ANKS3: variants seen among roughly 807,000 people sequenced by gnomAD.
The protein encoded by ANKS3 is ankyrin repeat and sterile alpha motif domain containing 3.
Under a neutral mutation model 80.7 loss-of-function variants are expected in ANKS3, and 62 were observed. That is an observed-to-expected ratio of 0.77 (90% CI 0.63 to 0.95). The LOEUF is 0.95. Ranked by LOEUF, ANKS3 falls within the 40% of genes least tolerant of loss-of-function variation. The pLI, the probability that ANKS3 is intolerant of heterozygous loss-of-function variation, is 0.00. For missense variants in ANKS3, 1,150 were observed against 883.6 expected (o/e 1.30, Z -3.82); for synonymous variants, 489 against 355.3 (o/e 1.38, Z -4.23).
intron 5 of ANKS3, chr16:4,725,176 C>A: frequency 5.3e-6 from 1 of 188,442 alleles, no homozygotes; most frequent in Non-Finnish European, 1.1e-5. Context: ...ATCTCCCATC[C>A]ATTCATCCAA....
intron 17 of ANKS3, 31 bp downstream of exon 17, chr16:4,696,986 C>T (rs2079587604): frequency 6.2e-7 from 1 of 1,606,690 alleles, no homozygotes; most frequent in African/African-American, 1.3e-5. Context: ...GCTGCTCCCA[C>T]CACGCGGGAT....
chr16:4,700,588 AGGATGGT>A (rs1018993502), intron 11 of ANKS3: 8 of 365,772 alleles, frequency 2.2e-5, no homozygotes, highest in Non-Finnish European at 4.3e-5. Context: ...AGAAAGGAGG[AGGATGGT>A]GGCAGCTGTA....
chr16:4,709,066 G>A (rs2080350582), intron 7 of ANKS3, among the ~76,000 whole-genome samples: 1 of 151,972 alleles, frequency 6.6e-6, no homozygotes, highest in African/African-American at 2.4e-5. Flanking sequence ...AGGAGTTTGA[G>A]ACCAGCCTGG....
intron 6 of ANKS3, among the ~76,000 whole-genome samples, chr16:4,715,897 T>A (rs2080769001): frequency 6.6e-6 from 1 of 152,038 alleles, no homozygotes; most frequent in African/African-American, 2.4e-5. Context: ...CAATTTAGAA[T>A]TTTCACTGTG....
In ANKS3 at chr16:4,702,139, C is replaced by T. The variant is rs780740836; in HGVS notation, c.972G>A (p.Glu324=). The change falls in exon 9 of 18, where the codon GAG becomes GAA. Residue 324 remains glutamate, a synonymous_variant. Transcript: ENST00000304283. The part of the protein sequence containing the change: ...CCRDVTSPIN[E]RDVESSSSSS... ...TGCTGCTGCTGCTCTCCACATCCCG[C>T]TCATTGATGGGGGAGGTGACATCCC... 9 of 1,597,484 alleles carry T rather than the reference C, an allele frequency of 5.6e-6. No homozygotes were observed. The highest frequency in any genetic ancestry group is 4.1e-5 in the African/African-American group (3 of 73,968).
At chr16:4,727,219 G>A (rs542632590) in intron 3 of ANKS3, 42 bp from the exon 4 acceptor site, 21 of 1,598,792 alleles carry the variant, frequency 1.3e-5, no homozygotes, top group Admixed American at 1.2e-4. Flanking sequence ...CAGCCGCCTC[G>A]CATGTGGGGT....
At chr16:4,707,209 G>T (rs747689288) in intron 7 of ANKS3, among the ~76,000 whole-genome samples, 3 of 151,732 alleles carry the variant, frequency 2.0e-5, no homozygotes, top group Admixed American at 1.3e-4. Flanking sequence ...AACCACAAAA[G>T]AGCCAGGGCT....
chr16:4,729,973 C>G lies in ANKS3; in HGVS notation c.170+7G>C, dbSNP rs752155527. 5.1e-5 allele frequency: 75 copies of G among 1,468,022 alleles called. No homozygotes were observed. Among genetic ancestry groups the G allele is most frequent in the Non-Finnish European group, 6.6e-5 (73 of 1,097,934 alleles). 90.9% of individuals were successfully genotyped at this position (1,468,022 alleles called of 1,614,324 possible). The stretch of plus-strand genomic sequence containing the variant: ...AATGTGAGAGGAAGTTCCCCGAGAT[C>G]TCTTACCGCTGCACACACTCCTTCA... On this transcript the variant is annotated splice_region_variant and intron_variant, in intron 3 of 17. Transcript: ENST00000304283.
intron 6 of ANKS3, among the ~76,000 whole-genome samples, chr16:4,719,197 T>C (rs72770364): frequency 0.019 from 2,816 of 152,192 alleles, 45 homozygotes; most frequent in Non-Finnish European, 0.029. Context: ...GCTAGTGTGA[T>C]AGCATGCGCT....
At chr16:4,718,242 T>C (rs1164022739) in intron 6 of ANKS3, among the ~76,000 whole-genome samples, 1 of 152,186 alleles carries the variant, frequency 6.6e-6, no homozygotes, top group African/African-American at 2.4e-5. Flanking sequence ...TTTAACTACT[T>C]AGGCTTTAAG....
In ANKS3 at chr16:4,701,109, G is replaced by C; in HGVS notation, c.1145C>G (p.Ser382Ter). ...GTAACTTTTAGCTTGTTTGCGAGCT[G>C]AGCTTTTACAGGCATGATCCGAGTC... ...NEDSDHACKS[S>*]ARKQAKSYMK... Residue 382 changes from serine to a stop codon, truncating the protein, a stop_gained, in exon 11 of 18, where the codon TCA becomes TGA. Transcript: ENST00000304283. LOFTEE classifies it high-confidence loss of function. 6.2e-7 allele frequency: 1 copy of C among 1,614,014 alleles called. No individual in the cohort carries two copies. Among genetic ancestry groups the C allele is most frequent in the Non-Finnish European group, 8.5e-7 (1 of 1,180,036 alleles).
chr16:4,701,845 C>A (rs2079925609), intron 9 of ANKS3: 1 of 501,866 alleles, frequency 2.0e-6, no homozygotes, highest in Non-Finnish European at 3.5e-6. Context: ...CTGGGGCCTG[C>A]CCTGAAAGCC....
intron 7 of ANKS3, among the ~76,000 whole-genome samples, chr16:4,707,776 T>C (rs919812019): frequency 4.6e-5 from 7 of 152,084 alleles, no homozygotes; most frequent in Non-Finnish European, 1.0e-4. Flanking sequence ...ATACAGATAA[T>C]AGAGAATACA....
chr16:4,732,854 G>A (rs907540227), intron 1 of ANKS3, among the ~76,000 whole-genome samples: 3 of 152,026 alleles, frequency 2.0e-5, no homozygotes, highest in African/African-American at 7.2e-5. Context: ...TAAAGAAAAT[G>A]TGGTACTTAG....
intron 7 of ANKS3, among the ~76,000 whole-genome samples, chr16:4,707,501 C>T (rs1471731856): frequency 6.6e-6 from 1 of 151,958 alleles, no homozygotes; most frequent in Non-Finnish European, 1.5e-5. Context: ...GGACTGGTCT[C>T]GAACTCCTGA....
At chr16:4,701,764 A>G in intron 9 of ANKS3, 1 of 526,132 alleles carries the variant, frequency 1.9e-6, no homozygotes, top group East Asian at 3.1e-5. Flanking sequence ...CACCCGGAGC[A>G]GTGCTTGGCA....
Position 4,701,557 on chromosome 16 carries a change from G to T in ANKS3, c.1010-14C>A. 6.2e-7 allele frequency: 1 copy of T among 1,601,680 alleles called. No individual in the cohort carries two copies. The highest frequency in any genetic ancestry group is 1.1e-5 in the South Asian group (1 of 90,376). The stretch of plus-strand genomic sequence containing the variant: ...AAGCATGTTCCTCTGAGGGCGGGAA[G>T]ACAGGGCGTCCGCCTGCAGCCCTCA... On this transcript the variant is annotated splice_polypyrimidine_tract_variant and intron_variant, in intron 9 of 17. Transcript: ENST00000304283.
rs1261755849 is a variant in ANKS3, at chr16:4,698,718, C to T, written c.1551+82G>A. 8 of 1,547,670 alleles carry T rather than the reference C, an allele frequency of 5.2e-6. No individual in the cohort carries two copies. In the South Asian group the frequency reaches 8.6e-5, roughly 17 times the overall value. ...CCACTGCATCCACCTGACCCCTCCA[C>T]ACAGCACCCACCTTTTCTGTCAGAG... is the stretch of plus-strand genomic sequence containing the variant. On this transcript the variant is annotated intron_variant, in intron 13 of 17. Transcript: ENST00000304283.
At chr16:4,713,548 G>C (rs1420156912) in intron 7 of ANKS3, among the ~76,000 whole-genome samples, 1 of 152,164 alleles carries the variant, frequency 6.6e-6, no homozygotes, top group East Asian at 1.9e-4. Context: ...GCAAAATGTA[G>C]ATGAAGAAAA....
Sources: gnomAD v4.1 joint callset for allele counts (sites outside exome capture counted in the v4.1 genomes callset) on GRCh38, gnomAD v4.1.1 for gene constraint, MANE v1.5 for transcripts, NCBI Gene and HGNC (gene_info 2026-07-23, HGNC 2026-07-21) for gene names.